Variants in COPS4 observed in about 807,000 individuals in gnomAD.
COPS4 encodes the protein COP9 signalosome subunit 4.
A neutral mutation model predicts 55.1 loss-of-function variants in COPS4; 8 were observed. The observed-to-expected ratio is 0.15, with a 90% CI of 0.09 to 0.26. The LOEUF (loss-of-function observed/expected upper bound fraction) is 0.26. Ranked by LOEUF, COPS4 falls within the 10% of genes least tolerant of loss-of-function variation. The pLI, the probability that COPS4 is intolerant of heterozygous loss-of-function variation, is 1.00. For missense variants in COPS4, 248 were observed against 484.0 expected, an observed-to-expected ratio of 0.51 and a Z score of 4.58; for synonymous variants, 185 against 165.7, an observed-to-expected ratio of 1.12 and a Z score of -0.90.
In COPS4 at chr4:83,075,622, C is replaced by T. The variant is rs1475992066; in HGVS notation, c.*192C>T. 5.6e-6 allele frequency: 3 copies of T among 531,538 alleles called. No individual in the cohort carries two copies. In the African/African-American group the frequency reaches 5.8e-5, roughly 10 times the overall value. 32.9% of individuals were successfully genotyped at this position (531,538 alleles called of 1,614,324 possible). On this transcript the variant is annotated 3_prime_UTR_variant, in exon 10 of 10. Transcript: ENST00000264389. ...ATGTAGTTCCCATATATTTCAGGGTCTCTGTGTATTAAGCTAACTCAGATG... is the reference window on the plus strand; with the variant it reads ...ATGTAGTTCCCATATATTTCAGGGTTTCTGTGTATTAAGCTAACTCAGATG...
At chr4:83,074,569 TCTCCTGTCTCAGC>T (rs1731518933) in intron 9 of COPS4, among the ~76,000 whole-genome samples, 1 of 151,274 alleles carries the variant, frequency 6.6e-6, no homozygotes, top group South Asian at 2.1e-4. Flanking sequence ...TTCAAGTGAT[TCTCCTGTCTCAGC>T]CTCCCGAGTA....
At chr4:83,047,776 G>A (rs183460059) in intron 2 of COPS4, among the ~76,000 whole-genome samples, 41 of 152,278 alleles carry the variant, frequency 2.7e-4, no homozygotes, top group African/African-American at 9.4e-4. Context: ...CGAGATGGGC[G>A]GATCACGAGG....
intron 1 of COPS4, among the ~76,000 whole-genome samples, chr4:83,041,814 T>G (rs1009032501): frequency 6.6e-6 from 1 of 151,978 alleles, no homozygotes; most frequent in Non-Finnish European, 1.5e-5. Context: ...ATCATATTGC[T>G]TATATTGTTC....
intron 6 of COPS4, among the ~76,000 whole-genome samples, chr4:83,058,336 A>G (rs572683372): frequency 4.6e-5 from 7 of 151,882 alleles, no homozygotes; most frequent in African/African-American, 7.2e-5. Context: ...TCCCACTTCA[A>G]CCTCCCAAGT....
intron 1 of COPS4, among the ~76,000 whole-genome samples, chr4:83,040,705 TA>T (rs1359660112): frequency 6.6e-6 from 1 of 151,826 alleles, no homozygotes; most frequent in African/African-American, 2.4e-5. Context: ...CCTTTCTTGT[TA>T]GGATTTTATG....
At chr4:83,066,010 G>A (rs555548211) in intron 7 of COPS4, among the ~76,000 whole-genome samples, 21 of 152,228 alleles carry the variant, frequency 1.4e-4, no homozygotes, top group Non-Finnish European at 1.8e-4. Flanking sequence ...AAATTAGCTC[G>A]GTGTAGTGGT....
intron 6 of COPS4, chr4:83,062,841 A>C (rs1731195190): frequency 2.7e-6 from 1 of 365,530 alleles, no homozygotes; most frequent in East Asian, 5.7e-5. Context: ...ATTCATTGAC[A>C]AAAATGTTGT....
chr4:83,041,251 CAG>C (rs1327421295), intron 1 of COPS4, among the ~76,000 whole-genome samples: 2 of 151,656 alleles, frequency 1.3e-5, no homozygotes, highest in African/African-American at 4.8e-5. Context: ...TTAGTAGAGA[CAG>C]AGTTTCACCA....
chr4:83,041,099 G>A (rs1312835290), intron 1 of COPS4, among the ~76,000 whole-genome samples: 1 of 130,970 alleles, frequency 7.6e-6, no homozygotes, highest in African/African-American at 2.9e-5. Context: ...ATCTCACTCT[G>A]TCGCCCAGGC....
chr4:83,047,349 T>G (rs1730741234), intron 2 of COPS4, among the ~76,000 whole-genome samples: 1 of 151,868 alleles, frequency 6.6e-6, no homozygotes, highest in African/African-American at 2.4e-5. Context: ...AGCTCAGGAG[T>G]TCAAAACCAG....
At chr4:83,059,855 C>T (rs1337014236) in intron 6 of COPS4, among the ~76,000 whole-genome samples, 1 of 151,944 alleles carries the variant, frequency 6.6e-6, no homozygotes, top group Non-Finnish European at 1.5e-5. Flanking sequence ...CGCCTGCCAC[C>T]ACACCTGGCT....
chr4:83,043,965 T>C (rs1730636755), intron 1 of COPS4, among the ~76,000 whole-genome samples: 1 of 152,192 alleles, frequency 6.6e-6, no homozygotes, highest in South Asian at 2.1e-4. Flanking sequence ...TGTGAGAATT[T>C]TGTATGAGTT....
chr4:83,048,932 A>C (rs1183873603), intron 2 of COPS4, among the ~76,000 whole-genome samples: 1 of 152,206 alleles, frequency 6.6e-6, no homozygotes, highest in African/African-American at 2.4e-5. Flanking sequence ...GGCGTGAGCC[A>C]TCGCACTGGC....
At position 83,075,790 on chromosome 4, in the gene COPS4, A is replaced by G. The variant is rs536336406; in HGVS notation, c.*360A>G. The G allele has an allele frequency of 5.3e-5, 9 of 170,672 alleles. No individual in the cohort carries two copies. In the East Asian group the frequency reaches 1.4e-3, roughly 27 times the overall value. The allele number at this position is 170,672 out of a possible 1,614,324, so 10.6% of individuals were successfully genotyped here. A position where few individuals can be genotyped will look rare whatever the true frequency, so the allele number is the denominator to read the frequency against. ...ATTCTAATAAATGGAGAAATGAGCC[A>G]AATAAAAGTAGTACTTTGTTTTTAG... On this transcript the variant is annotated 3_prime_UTR_variant, in exon 10 of 10. Coordinates refer to ENST00000264389, the MANE Select transcript of COPS4 (RefSeq NM_016129.3).
rs1310800862 is a variant in COPS4 at position 83,049,274 on chromosome 4, C to T, written c.263C>T (p.Thr88Ile). 4 of 1,610,410 alleles carry T rather than the reference C, an allele frequency of 2.5e-6. No individual in the cohort carries two copies. The highest frequency in any genetic ancestry group is 1.3e-5 in the African/African-American group (1 of 74,728). Residue 88 changes from threonine (T) to isoleucine (I), a missense_variant, in exon 3 of 10, where the codon ACC becomes ATC. Around this residue, in one of 4 missense-constraint regions of COPS4, gnomAD observed 155 missense variants for 326.6 expected, o/e 0.47. Coordinates refer to ENST00000264389, the MANE Select transcript of COPS4 (RefSeq NM_016129.3). ...ACAGCCAAAGAAATCTATCACTTCACCTTGGAAAAGATCCAGCCTAGAGTC... is the reference window on the plus strand; with the variant it reads ...ACAGCCAAAGAAATCTATCACTTCATCTTGGAAAAGATCCAGCCTAGAGTC... ...DSTAKEIYHF[T>I]LEKIQPRVIS...
chr4:83,035,525 T>C, intron 1 of COPS4: 1 of 374,904 alleles, frequency 2.7e-6, no homozygotes, highest in Non-Finnish European at 5.2e-6. Context: ...GATTGTCAGC[T>C]TGTTCAGTTC....
intron 8 of COPS4, among the ~76,000 whole-genome samples, chr4:83,067,225 G>A (rs1731313106): frequency 1.3e-5 from 2 of 151,306 alleles, no homozygotes; most frequent in Admixed American, 6.6e-5. Context: ...ACATCACCAC[G>A]CCTGGCTAAT....
chr4:83,057,759 A>G (rs928426636), intron 6 of COPS4, among the ~76,000 whole-genome samples: 3 of 151,820 alleles, frequency 2.0e-5, no homozygotes, highest in Non-Finnish European at 2.9e-5. Flanking sequence ...CATCTCTACT[A>G]AAAATACAAA....
At position 83,073,303 on chromosome 4, in the gene COPS4, G is replaced by C. The variant is rs774050810; in HGVS notation, c.1088-1994G>C. On this transcript the variant is annotated intron_variant, in intron 9 of 9. Transcript: ENST00000264389. ...TACAATATGTGACATGTGACCTTTTGGCTGATTCCACTCAGCATAGTATCT... is the reference window on the plus strand; with the variant it reads ...TACAATATGTGACATGTGACCTTTTCGCTGATTCCACTCAGCATAGTATCT... The C allele has an allele frequency of 4.5e-4, 317 of 698,614 alleles. No individual in the cohort carries two copies. In the African/African-American group the frequency reaches 4.9e-3, roughly 11 times the overall value. 43.3% of individuals were successfully genotyped at this position (698,614 alleles called of 1,614,324 possible).
Sources: allele counts gnomAD v4.1 joint callset (sites outside exome capture counted in the v4.1 genomes callset), GRCh38; gene constraint gnomAD v4.1.1; regional missense constraint gnomAD v4.1.1; transcripts MANE v1.5; gene names NCBI Gene and HGNC (gene_info 2026-07-23, HGNC 2026-07-21).